The following STON2 variants were observed in gnomAD, a reference collection of about 807,000 sequenced individuals.
The protein encoded by STON2 is stonin-2.
Under a neutral mutation model 65.7 loss-of-function variants are expected in STON2, and 29 were observed. That is an observed-to-expected ratio of 0.44 (90% confidence interval 0.33 to 0.60). The LOEUF (loss-of-function observed/expected upper bound fraction) is 0.60, where lower values mean the gene tolerates loss of function less well. Ranked by LOEUF, STON2 falls within the 20% of genes least tolerant of loss-of-function variation. The pLI, the probability that STON2 is intolerant of heterozygous loss-of-function variation, is 0.03. For synonymous variants in STON2, 404 were observed against 414.2 expected (o/e 0.98, Z 0.30); for missense variants, 1,054 against 1,118.1 (o/e 0.94, Z 0.82).
chr14:81,360,288 T>A (rs565848660), intron 4 of STON2, among the ~76,000 whole-genome samples: 1 of 152,148 alleles, frequency 6.6e-6, no homozygotes, highest in African/African-American at 2.4e-5. Flanking sequence ...AACAAAATAC[T>A]GGCAAACTAA....
intron 3 of STON2, among the ~76,000 whole-genome samples, chr14:81,376,599 A>T (rs1899263944): frequency 6.6e-6 from 1 of 152,186 alleles, no homozygotes; most frequent in Non-Finnish European, 1.5e-5. Flanking sequence ...ACACAAGAAG[A>T]AAGGCCACTC....
At chr14:81,339,269 G>A (rs1897498648) in intron 4 of STON2, among the ~76,000 whole-genome samples, 1 of 152,172 alleles carries the variant, frequency 6.6e-6, no homozygotes, top group African/African-American at 2.4e-5. Flanking sequence ...GCAAACTGAG[G>A]CTAGGAAAGG....
chr14:81,318,148 G>A (rs1030250127), intron 5 of STON2, among the ~76,000 whole-genome samples: 11 of 151,840 alleles, frequency 7.2e-5, no homozygotes, highest in Admixed American at 7.2e-4. Flanking sequence ...ATTTTTAGTA[G>A]AGACGGGGTT....
intron 2 of STON2, among the ~76,000 whole-genome samples, chr14:81,411,632 G>A (rs1277201271): frequency 1.3e-5 from 2 of 152,218 alleles, no homozygotes; most frequent in Non-Finnish European, 2.9e-5. Context: ...GCTTGAACCC[G>A]GGAGGCAGAG....
intron 5 of STON2, among the ~76,000 whole-genome samples, chr14:81,284,110 A>G (rs569044245): frequency 2.6e-5 from 4 of 151,332 alleles, no homozygotes; most frequent in South Asian, 4.2e-4. Flanking sequence ...CCATTCCCCT[A>G]TCTCTCTCTC....
At chr14:81,415,040 A>G (rs1238352359) in intron 2 of STON2, among the ~76,000 whole-genome samples, 1 of 152,020 alleles carries the variant, frequency 6.6e-6, no homozygotes, top group African/African-American at 2.4e-5. Context: ...ATGATCCCCA[A>G]TCCTTCTTCT....
intron 6 of STON2, among the ~76,000 whole-genome samples, chr14:81,273,541 A>G (rs1894681166): frequency 6.6e-6 from 1 of 152,170 alleles, no homozygotes; most frequent in Non-Finnish European, 1.5e-5. Flanking sequence ...GCCTTCTAAG[A>G]TTAAGAAAAA....
intron 5 of STON2, among the ~76,000 whole-genome samples, chr14:81,312,883 T>G (rs1030826487): frequency 2.6e-5 from 4 of 152,256 alleles, no homozygotes; most frequent in Non-Finnish European, 5.9e-5. Flanking sequence ...TTTGTGCTAT[T>G]ACACAACGAT....
At chr14:81,389,823 C>T (rs1478811429) in intron 3 of STON2, among the ~76,000 whole-genome samples, 3 of 152,234 alleles carry the variant, frequency 2.0e-5, no homozygotes, top group African/African-American at 4.8e-5. Context: ...ATAGATGCAC[C>T]TGTCATAAAA....
Position 81,262,253 on chromosome 14 carries a change from T to C in STON2, c.*6161A>G, listed in dbSNP as rs1894179184. 1.0e-6 allele frequency: 1 copy of C among 985,330 alleles called. No individual in the cohort carries two copies. Among genetic ancestry groups the C allele is most frequent in the Non-Finnish European group, 1.2e-6 (1 of 829,932 alleles). 61.0% of individuals were successfully genotyped at this position (985,330 alleles called of 1,614,324 possible). On this transcript the variant is annotated 3_prime_UTR_variant, in exon 8 of 8. Transcript: ENST00000614646. ...TGTAAAGATTCACAGAAACCCCAATTTCCCCTTAATAAATCCATTATGGCA... is the reference window on the plus strand; with the variant it reads ...TGTAAAGATTCACAGAAACCCCAATCTCCCCTTAATAAATCCATTATGGCA...
rs1894216265 is a variant in STON2 at position 81,263,148 on chromosome 14, T to G, written c.*5266A>C. 3.0e-6 allele frequency: 3 copies of G among 985,308 alleles called. No homozygotes were observed. Among genetic ancestry groups the G allele is most frequent in the South Asian group, 9.4e-5 (2 of 21,294 alleles). The allele number at this position is 985,308 out of a possible 1,614,324, so 61.0% of individuals were successfully genotyped here. ...GTTTTGCTTGAAATTCCTGTTAAATTGCATTCTGGACATGACCTAAGGCTA... is the reference window on the plus strand; with the variant it reads ...GTTTTGCTTGAAATTCCTGTTAAATGGCATTCTGGACATGACCTAAGGCTA... On this transcript the variant is annotated 3_prime_UTR_variant, in exon 8 of 8. Transcript: ENST00000614646.
At position 81,262,805 on chromosome 14, in the gene STON2, G is replaced by A; in HGVS notation, c.*5609C>T. 2 of 985,246 alleles carry A rather than the reference G, an allele frequency of 2.0e-6. No homozygotes were observed. The highest frequency in any genetic ancestry group is 9.4e-5 in the South Asian group (2 of 21,272). 61.0% of individuals were successfully genotyped at this position (985,246 alleles called of 1,614,324 possible). ...CACATTCTTGTTCTAGTTAATACAT[G>A]GGAGAATATTACTAATACATACATT... On this transcript the variant is annotated 3_prime_UTR_variant, in exon 8 of 8. Transcript: ENST00000614646.
chr14:81,318,429 G>A (rs1215108732), intron 5 of STON2, among the ~76,000 whole-genome samples: 1 of 152,106 alleles, frequency 6.6e-6, no homozygotes, highest in South Asian at 2.1e-4. Context: ...TTCCAAAGCA[G>A]GAAAAAATGC....
chr14:81,280,333 C>T (rs947322708), intron 5 of STON2, among the ~76,000 whole-genome samples: 10 of 152,168 alleles, frequency 6.6e-5, no homozygotes, highest in Non-Finnish European at 1.5e-4. Context: ...GATGAAGGAA[C>T]AGCACAGACA....
At chr14:81,358,303 G>A (rs768052261) in intron 4 of STON2, among the ~76,000 whole-genome samples, 5 of 152,102 alleles carry the variant, frequency 3.3e-5, no homozygotes, top group African/African-American at 9.7e-5. Flanking sequence ...GTGTAGAGTT[G>A]TTATATACAA....
intron 4 of STON2, among the ~76,000 whole-genome samples, chr14:81,337,806 A>T (rs1006126329): frequency 5.9e-5 from 9 of 152,136 alleles, no homozygotes; most frequent in African/African-American, 2.2e-4. Context: ...TTATGATATA[A>T]TATGAAATAT....
At position 81,264,311 on chromosome 14, in the gene STON2, T is replaced by A; in HGVS notation, c.*4103A>T. 5 of 985,472 alleles carry A rather than the reference T, an allele frequency of 5.1e-6. No homozygotes were observed. Among genetic ancestry groups the A allele is most frequent in the Non-Finnish European group, 6.0e-6 (5 of 829,930 alleles). The allele number at this position is 985,472 out of a possible 1,614,324, so 61.0% of individuals were successfully genotyped here. On this transcript the variant is annotated 3_prime_UTR_variant, in exon 8 of 8. Transcript: ENST00000614646. ...TAAAAGGAAAGCAAAATTATTTAAG[T>A]CCTTCAGGAAATAAAAGCATGCTTG...
chr14:81,430,253 G>C (rs1203739703), intron 1 of STON2, among the ~76,000 whole-genome samples: 1 of 152,134 alleles, frequency 6.6e-6, no homozygotes, highest in African/African-American at 2.4e-5. Context: ...GTCTCGCTGT[G>C]GTTTAACTAT....
chr14:81,298,418 G>GT (rs200367475), intron 5 of STON2, among the ~76,000 whole-genome samples: 26 of 55,466 alleles, frequency 4.7e-4, no homozygotes, highest in African/African-American at 1.1e-3. Context: ...TTCAGATGGG[G>GT]GGGGGGAATC....
Sources: allele counts gnomAD v4.1 joint callset (sites outside exome capture counted in the v4.1 genomes callset), GRCh38; gene constraint gnomAD v4.1.1; transcripts MANE v1.5; gene names NCBI Gene and HGNC (gene_info 2026-07-23, HGNC 2026-07-21).